The following BTD variants were observed in gnomAD, a reference collection of about 807,000 sequenced individuals.
The protein encoded by BTD is biocytinase.
A neutral mutation model predicts 17.7 loss-of-function variants in BTD; 13 were observed. That is an observed-to-expected ratio of 0.74 (90% CI 0.48 to 1.17). The LOEUF (loss-of-function observed/expected upper bound fraction) is 1.17, where lower values mean the gene tolerates loss of function less well. BTD is among the 50% of genes most tolerant of loss of function. The probability of loss-of-function intolerance (pLI) is 0.00; values close to 1 mark genes in which losing one functional copy is unlikely to be tolerated. For missense variants in BTD, 674 were observed against 650.4 expected (o/e 1.04, Z -0.39); for synonymous variants, 240 against 245.2 (o/e 0.98, Z 0.20).
intron 3 of BTD, chr3:15,683,917 A>G (rs2067812418): frequency 6.6e-6 from 1 of 152,194 alleles, no homozygotes; most frequent in African/African-American, 2.4e-5. Flanking sequence ...TACAACAGAT[A>G]TTATACTTAT....
chr3:15,670,226 A>G (rs1165704623), intron 3 of BTD: 11 of 1,579,512 alleles, frequency 7.0e-6, no homozygotes, highest in Non-Finnish European at 8.6e-6. Context: ...CTGAAAAAGC[A>G]CAGTTTGAAG....
At chr3:15,708,127 A>C (rs2071715229) in intron 3 of BTD, 1 of 1,514,876 alleles carries the variant, frequency 6.6e-7, no homozygotes, top group African/African-American at 1.4e-5. Flanking sequence ...AAACAAAAGC[A>C]TAGTTGACTC....
chr3:15,677,332 C>G, intron 3 of BTD: 1 of 631,118 alleles, frequency 1.6e-6, no homozygotes, highest in Non-Finnish European at 2.7e-6. Flanking sequence ...GCCATGGTGC[C>G]TTATAAGTCA....
At chr3:15,632,572 C>A (rs1432910548) in intron 1 of BTD, 1 of 152,234 alleles carries the variant, frequency 6.6e-6, no homozygotes, top group Non-Finnish European at 1.5e-5. Context: ...CTCTAGTTAC[C>A]ATTTTCTTTA....
chr3:15,687,201 C>A (rs962823004), intron 3 of BTD, among the ~76,000 whole-genome samples: 2 of 152,070 alleles, frequency 1.3e-5, no homozygotes, highest in Non-Finnish European at 2.9e-5. Context: ...CCTCGGCCTC[C>A]CAAAGTGCTG....
At chr3:15,692,129 G>A (rs2068881261) in intron 3 of BTD, among the ~76,000 whole-genome samples, 1 of 131,868 alleles carries the variant, frequency 7.6e-6, no homozygotes, top group Admixed American at 9.1e-5. Flanking sequence ...GACAGAATGA[G>A]ATTGTATCTC....
At chr3:15,716,521 T>C (rs943064880), downstream of BTD, among the ~76,000 whole-genome samples, 8 of 152,204 alleles carry the variant, frequency 5.3e-5, no homozygotes, top group African/African-American at 1.9e-4. Context: ...TGGGCTCATG[T>C]GATTCTCCAG....
intron 1 of BTD, among the ~76,000 whole-genome samples, chr3:15,624,482 C>T (rs1256402790): frequency 1.3e-5 from 2 of 152,136 alleles, no homozygotes; most frequent in African/African-American, 4.8e-5. Context: ...CTTCCTCAGC[C>T]ATGTCCAATC....
chr3:15,670,485 T>C (rs749610907), intron 3 of BTD: 14 of 1,613,990 alleles, frequency 8.7e-6, no homozygotes, highest in Non-Finnish European at 1.2e-5. Flanking sequence ...ACAGGCATCA[T>C]GGTGGCCAAA....
intron 3 of BTD, among the ~76,000 whole-genome samples, chr3:15,693,322 G>T (rs886867774): frequency 3.3e-5 from 5 of 151,256 alleles, no homozygotes; most frequent in Admixed American, 1.3e-4. Flanking sequence ...ATAGTAATGG[G>T]GGGGCAGAGA....
chr3:15,710,361 T>G (rs1254803724), exon 4 of BTD, among the ~76,000 whole-genome samples: 4 of 152,224 alleles, frequency 2.6e-5, no homozygotes, highest in Non-Finnish European at 5.9e-5. Context: ...AACTGTCAAG[T>G]GATCAGACAC....
intron 3 of BTD, chr3:15,708,012 G>C (rs2071689912): frequency 6.2e-7 from 1 of 1,610,926 alleles, no homozygotes. Context: ...GATCCCACAA[G>C]AGCAAACAGG....
chr3:15,713,374 AC>A (rs1298585579), downstream of BTD, among the ~76,000 whole-genome samples: 1 of 152,240 alleles, frequency 6.6e-6, no homozygotes, highest in Non-Finnish European at 1.5e-5. Context: ...AAACATTTTA[AC>A]CTACCACTTT....
chr3:15,692,898 T>G (rs916750506), intron 3 of BTD, among the ~76,000 whole-genome samples: 1 of 152,184 alleles, frequency 6.6e-6, no homozygotes, highest in African/African-American at 2.4e-5. Flanking sequence ...AAGAAAAATG[T>G]GCTATATACA....
Position 15,711,262 on chromosome 3 carries a change from T to C in BTD, c.*1188T>C. The C allele has an allele frequency of 1.4e-5, 23 of 1,611,762 alleles. No individual in the cohort carries two copies. The highest frequency in any genetic ancestry group is 2.0e-5 in the Non-Finnish European group (23 of 1,178,266). Reference sequence around the variant, plus strand: ...AGTCCTGCCAAAATCATCTGGGGTATCTATATCAAATCCTACAAGAATGAA... The same window carrying C: ...AGTCCTGCCAAAATCATCTGGGGTACCTATATCAAATCCTACAAGAATGAA... On this transcript the variant is annotated 3_prime_UTR_variant, in exon 4 of 4. Transcript: ENST00000672141.
intron 1 of BTD, 106 bp downstream of exon 1, chr3:15,602,000 G>GC: frequency 6.5e-7 from 1 of 1,542,266 alleles, no homozygotes; most frequent in Admixed American, 2.0e-5. Context: ...CGCAAAGGCT[G>GC]CCGGGAGCTG....
chr3:15,674,174 C>CAAAAAAAAAAAAA (rs34806568), intron 3 of BTD, among the ~76,000 whole-genome samples: 13 of 40,274 alleles, frequency 3.2e-4, no homozygotes, highest in Admixed American at 4.4e-4. Flanking sequence ...CCTGCCTCTT[C>CAAAAAAAAAAAAA]AAAAAAAAAA....
rs138889697 is a variant in BTD at position 15,661,025 on chromosome 3, G to A, written c.399+18968G>A. On this transcript the variant is annotated intron_variant, in intron 3 of 3. Coordinates refer to the BTD transcript ENST00000672141. ...TCATGCCTGTAATCCCAGCACTTTGGGAGGCCAAGGAGGATAGATCACTTG... is the reference window on the plus strand; with the variant it reads ...TCATGCCTGTAATCCCAGCACTTTGAGAGGCCAAGGAGGATAGATCACTTG... Among the ~76,000 whole-genome samples the A allele has an allele frequency of 9.1e-3, 1,379 of 152,210 alleles. 23 individuals are homozygous for A. The highest frequency in any genetic ancestry group is 0.031 in the African/African-American group (1,291 of 41,518).
Position 15,645,178 on chromosome 3 carries a change from G to A in BTD, c.1262G>A (p.Gly421Glu). The stretch of plus-strand genomic sequence containing the variant: ...TTATCCAAAGAGCTGTATGCCCTGG[G>A]GGTCTTTGATGGGCTTCACACAGTA... ...PTLSKELYAL[G>E]VFDGLHTVHG... Residue 421 changes from glycine to glutamate, a missense_variant, in exon 4 of 4, where the codon GGG (glycine) becomes GAG (glutamate). Transcript: ENST00000643237. 1.9e-6 allele frequency: 3 copies of A among 1,614,134 alleles called. No homozygotes were observed. Among genetic ancestry groups the A allele is most frequent in the Non-Finnish European group, 2.5e-6 (3 of 1,180,020 alleles).
Sources: allele counts gnomAD v4.1 joint callset (sites outside exome capture counted in the v4.1 genomes callset), GRCh38; gene constraint gnomAD v4.1.1; transcripts MANE v1.5; gene names NCBI Gene and HGNC (gene_info 2026-07-23, HGNC 2026-07-21).